The following SNTG1 variants were observed in gnomAD, a reference collection of about 807,000 sequenced individuals.
The protein encoded by SNTG1 is gamma-1-syntrophin.
A neutral mutation model predicts 74.7 loss-of-function variants in SNTG1; 39 were observed. The ratio of observed to expected loss-of-function variants is 0.52; its 90% CI spans 0.40 to 0.68. The LOEUF (loss-of-function observed/expected upper bound fraction) is 0.68. Among genes scored for constraint, SNTG1 ranks in the 30% least tolerant of loss-of-function variants. The probability of loss-of-function intolerance (pLI) is 0.00; values close to 1 mark genes in which losing one functional copy is unlikely to be tolerated. For synonymous variants in SNTG1, 254 were observed against 217.1 expected (o/e 1.17, Z -1.49); for missense variants, 685 against 609.5 (o/e 1.12, Z -1.30).
chr8:50,287,750 T>A (rs1301050602), intron 2 of SNTG1, among the ~76,000 whole-genome samples: 4 of 152,188 alleles, frequency 2.6e-5, no homozygotes, highest in Non-Finnish European at 5.9e-5. Context: ...CTCTACCAGT[T>A]CACTTGCTCC....
intron 2 of SNTG1, among the ~76,000 whole-genome samples, chr8:50,387,291 G>A (rs751486332): frequency 2.0e-5 from 3 of 152,198 alleles, no homozygotes; most frequent in South Asian, 2.1e-4. Flanking sequence ...AAGAGTGCCC[G>A]AAGAGCTCTT....
chr8:50,034,936 C>T (rs759909528), intron 1 of SNTG1, among the ~76,000 whole-genome samples: 11 of 152,168 alleles, frequency 7.2e-5, no homozygotes, highest in Non-Finnish European at 1.0e-4. Context: ...CCACCAGTGC[C>T]TAGCACTCCT....
chr8:50,594,064 C>T (rs2094710667), intron 13 of SNTG1, among the ~76,000 whole-genome samples: 9 of 152,104 alleles, frequency 5.9e-5, no homozygotes, highest in Admixed American at 5.9e-4. Context: ...TAAACTTGCC[C>T]TGGTAACTTT....
rs1030804108 is a variant in SNTG1, at chr8:50,777,044, T to C, written c.1396-15627T>C. Among the ~76,000 whole-genome samples the C allele has an allele frequency of 2.6e-5, 4 of 151,916 alleles. No individual in the cohort carries two copies. The East Asian group carries it at 7.8e-4, about 29-fold the overall frequency. The stretch of plus-strand genomic sequence containing the variant: ...TCAAGTTTTCAGAAGCTGACTATGA[T>C]GTGTCTTGGCAAGGATTTCTTTGAG... On this transcript the variant is annotated intron_variant, in intron 18 of 18. Transcript: ENST00000642720.
intron 1 of SNTG1, among the ~76,000 whole-genome samples, chr8:50,131,845 T>C (rs956204705): frequency 2.0e-5 from 3 of 152,032 alleles, no homozygotes; most frequent in Non-Finnish European, 4.4e-5. Context: ...CCAACACTTG[T>C]TACCTTTATA....
chr8:50,284,556 A>C (rs1208938131), intron 2 of SNTG1, among the ~76,000 whole-genome samples: 1 of 152,060 alleles, frequency 6.6e-6, no homozygotes, highest in Non-Finnish European at 1.5e-5. Flanking sequence ...GTTTTTAAGC[A>C]CTTCCTTACT....
chr8:50,364,946 C>T (rs1160687115), intron 2 of SNTG1, among the ~76,000 whole-genome samples: 1 of 151,796 alleles, frequency 6.6e-6, no homozygotes, highest in Non-Finnish European at 1.5e-5. Context: ...AGGCTTTTTG[C>T]AAAACCATAA....
At chr8:50,264,739 T>C (rs551646373) in intron 2 of SNTG1, among the ~76,000 whole-genome samples, 46 of 151,924 alleles carry the variant, frequency 3.0e-4, no homozygotes, top group African/African-American at 1.1e-3. Flanking sequence ...ACCTGCGAAA[T>C]TATAAAACAT....
chr8:50,218,012 C>T (rs893254802), intron 2 of SNTG1, among the ~76,000 whole-genome samples: 1 of 152,174 alleles, frequency 6.6e-6, no homozygotes, highest in East Asian at 1.9e-4. Flanking sequence ...ACCAAGTCAC[C>T]TCAGACCTTG....
chr8:50,720,400 T>A (rs571615031), intron 17 of SNTG1, among the ~76,000 whole-genome samples: 30 of 152,208 alleles, frequency 2.0e-4, no homozygotes, highest in Admixed American at 2.0e-3. Context: ...GTCAATTTAT[T>A]TATTGAAGAC....
At chr8:50,464,293 G>A (rs914377651) in intron 8 of SNTG1, among the ~76,000 whole-genome samples, 2 of 152,136 alleles carry the variant, frequency 1.3e-5, no homozygotes, top group Non-Finnish European at 2.9e-5. Flanking sequence ...CTAACTGCTT[G>A]TGCAAGAAGC....
chr8:50,425,444 A>G (rs1045033306), intron 4 of SNTG1, among the ~76,000 whole-genome samples: 2 of 152,104 alleles, frequency 1.3e-5, no homozygotes, highest in Admixed American at 6.6e-5. Context: ...ATGATCTGTC[A>G]CTGTCTCTCA....
intron 13 of SNTG1, among the ~76,000 whole-genome samples, chr8:50,611,686 G>T (rs553855200): frequency 8.2e-4 from 125 of 152,246 alleles, no homozygotes; most frequent in South Asian, 2.9e-3. Context: ...ACTTAAGGAG[G>T]CTGAGGTAGT....
chr8:50,521,748 A>G (rs1206379671), intron 9 of SNTG1, among the ~76,000 whole-genome samples: 1 of 152,146 alleles, frequency 6.6e-6, no homozygotes, highest in East Asian at 1.9e-4. Flanking sequence ...CTTTATTGTC[A>G]TTTCAACAAT....
At chr8:50,780,622 C>A (rs1416154732) in intron 18 of SNTG1, among the ~76,000 whole-genome samples, 1 of 152,140 alleles carries the variant, frequency 6.6e-6, no homozygotes, top group African/African-American at 2.4e-5. Context: ...TGCTAGTGGT[C>A]TATCAACTTT....
intron 1 of SNTG1, among the ~76,000 whole-genome samples, chr8:50,170,842 G>A (rs1043510673): frequency 3.9e-5 from 6 of 152,064 alleles, no homozygotes; most frequent in Non-Finnish European, 7.4e-5. Flanking sequence ...GGCTGCTCTG[G>A]GTTCCTAATG....
At chr8:50,130,960 A>T (rs1256296755) in intron 1 of SNTG1, among the ~76,000 whole-genome samples, 1 of 152,094 alleles carries the variant, frequency 6.6e-6, no homozygotes, top group African/African-American at 2.4e-5. Flanking sequence ...TAAACTTGAA[A>T]TTTTAGAATG....
At chr8:50,300,889 TC>T (rs1484168415) in intron 2 of SNTG1, among the ~76,000 whole-genome samples, 2 of 152,170 alleles carry the variant, frequency 1.3e-5, no homozygotes, top group African/African-American at 4.8e-5. Flanking sequence ...TTTAAAAACA[TC>T]CTTCTGCTGC....
At chr8:50,601,775 A>G (rs1453163659) in intron 13 of SNTG1, among the ~76,000 whole-genome samples, 3 of 152,062 alleles carry the variant, frequency 2.0e-5, no homozygotes, top group Non-Finnish European at 2.9e-5. Flanking sequence ...TTACTTTAAT[A>G]ATATTTACTT....
Sources: allele counts gnomAD v4.1 joint callset (sites outside exome capture counted in the v4.1 genomes callset), GRCh38; gene constraint gnomAD v4.1.1; transcripts MANE v1.5; gene names NCBI Gene and HGNC (gene_info 2026-07-23, HGNC 2026-07-21).